Variants in MYH14 observed in about 807,000 individuals in gnomAD.
The protein encoded by MYH14 is myosin heavy chain 14, also known as myosin-14.
Under a neutral mutation model 255.5 loss-of-function variants are expected in MYH14, and 123 were observed. The observed-to-expected ratio is 0.48, with a 90% confidence interval of 0.42 to 0.56. The LOEUF (loss-of-function observed/expected upper bound fraction) is 0.56, where lower values mean the gene tolerates loss of function less well. MYH14 is among the 20% of genes least tolerant of loss of function. The probability of loss-of-function intolerance (pLI) is 0.00; values close to 1 mark genes in which losing one functional copy is unlikely to be tolerated. For synonymous variants in MYH14, 1,095 were observed against 1,161.2 expected, an observed-to-expected ratio of 0.94 and a Z score of 1.16; for missense variants, 2,423 against 2,802.3, an observed-to-expected ratio of 0.86 and a Z score of 3.06.
At chr19:50,272,861 T>G in intron 27 of MYH14, 130 bp downstream of exon 27, 1 of 886,696 alleles carries the variant, frequency 1.1e-6, no homozygotes. Context: ...ACAGGCCACA[T>G]CCCCTCCGAG....
At chr19:50,238,350 CGG>C (rs2033750688) in intron 10 of MYH14, among the ~76,000 whole-genome samples, 1 of 152,174 alleles carries the variant, frequency 6.6e-6, no homozygotes, top group Non-Finnish European at 1.5e-5. Context: ...CAGGTCTGGA[CGG>C]GGTCTAAGCT....
chr19:50,255,436 C>T (rs2034558898), intron 17 of MYH14, 118 bp downstream of exon 17: 1 of 755,190 alleles, frequency 1.3e-6, no homozygotes, highest in Non-Finnish European at 2.2e-6. Context: ...AGGTCTCTCA[C>T]TCTTCCTTTC....
intron 17 of MYH14, among the ~76,000 whole-genome samples, chr19:50,255,798 C>T (rs933677200): frequency 5.3e-5 from 8 of 151,216 alleles, no homozygotes; most frequent in East Asian, 1.9e-4. Flanking sequence ...ACAGGGAGTA[C>T]GGGGTAGGGG....
Position 50,266,973 on chromosome 19 carries a change from C to T in MYH14, c.2791C>T (p.Arg931Cys). The change falls in exon 23 of 43, where the codon CGC becomes TGC. Residue 931 changes from arginine to cysteine, a missense_variant. This residue lies in a region of MYH14 where 1,513 missense variants were observed against 1,674.8 expected (regional missense o/e 0.90). Transcript: ENST00000642316. The surrounding 1 kb of genome is among the most constrained non-coding windows in gnomAD (Gnocchi z 4.1). ...KVQELQQQSA[R>C]EVGELQGRVA... ...GCAGGAGCTACAGCAGCAGAGCGCC[C>T]GCGAAGTTGGGGAGCTCCAGGGCCG... is the stretch of plus-strand genomic sequence containing the variant. 1.3e-6 allele frequency: 2 copies of T among 1,566,628 alleles called. No individual in the cohort carries two copies. The highest frequency in any genetic ancestry group is 8.6e-7 in the Non-Finnish European group (1 of 1,156,532).
At chr19:50,213,291 C>A (rs2032296828) in intron 2 of MYH14, among the ~76,000 whole-genome samples, 1 of 152,180 alleles carries the variant, frequency 6.6e-6, no homozygotes, top group Admixed American at 6.5e-5. Flanking sequence ...TCCCAGCAAC[C>A]TTGTAAGGTA....
rs1312996905 is a variant in MYH14, at chr19:50,247,106, C to G, written c.1313C>G (p.Ala438Gly). The change falls in exon 12 of 43, where the codon GCC (alanine) becomes GGC (glycine). Residue 438 changes from alanine to glycine, a missense_variant. By Grantham distance (60) the Ala-to-Gly change is moderately conservative (BLOSUM62 0). This residue lies in a region of MYH14 where 672 missense variants were observed against 881.8 expected (regional missense o/e 0.76). Transcript: ENST00000642316. The stretch of plus-strand genomic sequence containing the variant: ...GTTGGCCGAGACTATGTGCAGAAAG[C>G]CCAGACTAAGGAACAGGTAGGCGGG... ...IKVGRDYVQK[A>G]QTKEQADFAL... 2 of 1,612,910 alleles carry G rather than the reference C, an allele frequency of 1.2e-6. No homozygotes were observed. The highest frequency in any genetic ancestry group is 2.7e-5 in the African/African-American group (2 of 74,890).
chr19:50,210,304 A>G, intron 1 of MYH14, 59 bp from the exon 2 acceptor site: 2 of 1,453,416 alleles, frequency 1.4e-6, no homozygotes, highest in South Asian at 1.3e-5. Context: ...GGGGTAGGGA[A>G]GGGAGGCCCG....
Position 50,301,720 on chromosome 19 carries a change from C to T in MYH14, c.5529C>T (p.Ser1843=), listed in dbSNP as rs12610591. 4,935 of 1,613,822 alleles carry T rather than the reference C, an allele frequency of 3.1e-3. 201 individuals carry two copies. In the East Asian group the frequency reaches 0.089, roughly 29 times the overall value. ...GCAGTTTCTCAGCCAAGGCAGAGAG[C>T]GGGCGGCAGCAGCTGGAACGGCAGA... is the stretch of plus-strand genomic sequence containing the variant. ...AERSFSAKAE[S]GRQQLERQIQ... The change falls in exon 40 of 43, where the codon AGC becomes AGT. Residue 1843 remains serine, a synonymous_variant. Transcript: ENST00000642316.
chr19:50,244,208 G>C (rs1203434698), intron 10 of MYH14, 34 bp from the exon 11 acceptor site: 6 of 1,602,146 alleles, frequency 3.7e-6, no homozygotes, highest in African/African-American at 1.3e-5. Context: ...TCGGGGTCCA[G>C]AGCCACACGT....
At chr19:50,227,043 C>T in intron 8 of MYH14, 77 bp downstream of exon 8, 1 of 1,447,856 alleles carries the variant, frequency 6.9e-7, no homozygotes, top group African/African-American at 1.4e-5. Flanking sequence ...GAAAGCACCT[C>T]CCACTGCAGG....
intron 1 of MYH14, among the ~76,000 whole-genome samples, chr19:50,204,665 C>T (rs1046747052): frequency 1.3e-5 from 2 of 152,158 alleles, no homozygotes; most frequent in Non-Finnish European, 1.5e-5. Flanking sequence ...GAGGTGGAAG[C>T]GAAAGAATCG....
At chr19:50,251,521 T>C (rs1178348323) in intron 15 of MYH14, among the ~76,000 whole-genome samples, 2 of 72,596 alleles carry the variant, frequency 2.8e-5, no homozygotes, top group South Asian at 5.2e-4. Flanking sequence ...ATATACACAC[T>C]ACACACACAC....
In MYH14 at chr19:50,248,986, G is replaced by A; in HGVS notation, c.1330-1G>A. On this transcript the variant is annotated splice_acceptor_variant, in intron 12 of 42. Transcript: ENST00000642316. LOFTEE classifies it high-confidence loss of function. ...CCCTTACCATGAGCCCTGTCCCACA[G>A]GCTGACTTCGCGCTGGAGGCCCTGG... 6.2e-7 allele frequency: 1 copy of A among 1,613,394 alleles called. No homozygotes were observed. Among genetic ancestry groups the A allele is most frequent in the Non-Finnish European group, 8.5e-7 (1 of 1,179,792 alleles).
At chr19:50,287,554 A>G (rs2035933421) in intron 34 of MYH14, among the ~76,000 whole-genome samples, 1 of 152,006 alleles carries the variant, frequency 6.6e-6, no homozygotes, top group Non-Finnish European at 1.5e-5. Context: ...CAGAGACTAC[A>G]GGTGCATTCC....
chr19:50,296,104 G>A lies in MYH14; in HGVS notation c.5469+2417G>A, dbSNP rs1422327578. ...AGCCTGGGTGACAGAGCGAGACTTT[G>A]TCTCAAAAAAAAAAAAAAAGTTTAA... On this transcript the variant is annotated intron_variant, in intron 39 of 42. Coordinates refer to ENST00000642316, the MANE Select transcript of MYH14 (RefSeq NM_001145809.2). 8.1e-5 allele frequency among the ~76,000 whole-genome samples: 12 copies of A among 147,308 alleles called. 1 individual carries two copies. The highest frequency in any genetic ancestry group is 1.6e-4 in the Non-Finnish European group (11 of 67,424).
At chr19:50,302,113 TAAAA>T (rs765650409) in intron 40 of MYH14, among the ~76,000 whole-genome samples, 4 of 54,628 alleles carry the variant, frequency 7.3e-5, no homozygotes, top group East Asian at 5.5e-4. Context: ...ACCTCATCTC[TAAAA>T]AAAAAAAAAA....
intron 6 of MYH14, 53 bp from the exon 7 acceptor site, chr19:50,225,532 G>T (rs939583496): frequency 2.7e-6 from 4 of 1,456,532 alleles, no homozygotes; most frequent in African/African-American, 1.4e-5. Flanking sequence ...GGGCTGGCCT[G>T]GCCTCCTGCC....
chr19:50,216,963 A>G (rs2032512611), intron 2 of MYH14, among the ~76,000 whole-genome samples: 1 of 128,444 alleles, frequency 7.8e-6, no homozygotes, highest in Non-Finnish European at 1.8e-5. Flanking sequence ...ATGTGTCACC[A>G]CACCTGGCTA....
intron 42 of MYH14, 81 bp downstream of exon 42, chr19:50,309,258 G>A (rs542445471): frequency 2.1e-6 from 3 of 1,402,910 alleles, no homozygotes; most frequent in Admixed American, 1.7e-5. Context: ...GCCGTGCCAG[G>A]GGCAACAACA....
Sources: gnomAD v4.1 joint callset for allele counts (sites outside exome capture counted in the v4.1 genomes callset) on GRCh38, gnomAD v4.1.1 for gene constraint, gnomAD v4.1.1 regional missense constraint, Gnocchi (gnomAD v3.1) non-coding constraint, MANE v1.5 for transcripts, NCBI Gene and HGNC (gene_info 2026-07-23, HGNC 2026-07-21) for gene names.